The following CASZ1 variants were observed in gnomAD, a reference collection of about 807,000 sequenced individuals.
The protein encoded by CASZ1 is zinc finger protein castor homolog 1.
CASZ1 carries 28 observed loss-of-function variants against 135.2 expected under a neutral mutation model. That is an observed-to-expected ratio of 0.21 (90% CI 0.15 to 0.28). CASZ1 has a LOEUF of 0.28. Ranked by LOEUF, CASZ1 falls within the 10% of genes least tolerant of loss-of-function variation. The pLI is 1.00. For missense variants in CASZ1, 2,161 were observed against 2,453.3 expected, an observed-to-expected ratio of 0.88 and a Z score of 2.52; for synonymous variants, 1,068 against 1,073.4, an observed-to-expected ratio of 0.99 and a Z score of 0.10.
chr1:10,775,314 C>T (rs571433009), intron 1 of CASZ1, among the ~76,000 whole-genome samples: 7 of 152,290 alleles, frequency 4.6e-5, no homozygotes, highest in South Asian at 4.2e-4. Context: ...TTCCCTTCTC[C>T]GCCTACCTAT....
rs1640508543 is a variant in CASZ1, at chr1:10,767,981, T to G, written c.-233-7124A>C. Among the ~76,000 whole-genome samples the G allele has an allele frequency of 6.6e-6, 1 of 152,106 alleles. No homozygotes were observed. Among genetic ancestry groups the G allele is most frequent in the Non-Finnish European group, 1.5e-5 (1 of 68,002 alleles). ...AGACCCCAGACCTGGGACCCCAGAC[T>G]CCACCCTGGAATCTCACAAGTGTCT... On this transcript the variant is annotated intron_variant, in intron 1 of 20. Coordinates refer to ENST00000377022, the MANE Select transcript of CASZ1 (RefSeq NM_001079843.3). This position sits in a 1 kb window ranked among gnomAD's most constrained non-coding sequence, Gnocchi z 4.2.
intron 5 of CASZ1, among the ~76,000 whole-genome samples, chr1:10,662,612 A>G (rs1036958008): frequency 6.6e-6 from 1 of 151,596 alleles, no homozygotes; most frequent in African/African-American, 2.4e-5. Context: ...ACTCTCACAT[A>G]CATCCAGACA....
Position 10,755,876 on chromosome 1 carries a change from T to A in CASZ1, c.-77+4825A>T, listed in dbSNP as rs1304696938. On this transcript the variant is annotated intron_variant, in intron 2 of 20. Transcript: ENST00000377022. The surrounding 1 kb of genome is among the most constrained non-coding windows in gnomAD (Gnocchi z 4.3). ...ACCCCTCTGCACCCCCCACCCCAGC[T>A]GCAGGCCATGGAGCTGCCAGCCTCA... Among the ~76,000 whole-genome samples, 23 of 135,792 alleles carry A rather than the reference T, an allele frequency of 1.7e-4. No individual in the cohort carries two copies. 89.1% of individuals were successfully genotyped at this position (135,792 alleles called of 152,430 possible).
Position 10,755,684 on chromosome 1 carries a change from CG to C in CASZ1, c.-77+5016del, listed in dbSNP as rs1002351217. Among the ~76,000 whole-genome samples, 1 of 152,060 alleles carries C rather than the reference CG, an allele frequency of 6.6e-6. No individual in the cohort carries two copies. The highest frequency in any genetic ancestry group is 2.4e-5 in the African/African-American group (1 of 41,406). ...GAGGAAGGAGGCCCAGGCTGGGGTT[CG>C]GCACCACCAGGTGGAACACTTGCCC... On this transcript the variant is annotated intron_variant, in intron 2 of 20. Coordinates refer to ENST00000377022, the MANE Select transcript of CASZ1 (RefSeq NM_001079843.3). The surrounding 1 kb of genome is among the most constrained non-coding windows in gnomAD (Gnocchi z 4.3).
chr1:10,786,864 A>G (rs891216532), intron 1 of CASZ1, among the ~76,000 whole-genome samples: 18 of 152,002 alleles, frequency 1.2e-4, no homozygotes, highest in African/African-American at 3.6e-4. Context: ...CAAGTTCCCA[A>G]TGATAACAGA....
In CASZ1 at chr1:10,644,897, G is replaced by T. The variant is rs546369717; in HGVS notation, c.3868+20C>A. 2.5e-6 allele frequency: 4 copies of T among 1,602,700 alleles called. No homozygotes were observed. In the South Asian group the frequency reaches 4.5e-5, roughly 18 times the overall value. ...TGATGCCTGCTGCAAGTCCCTGCCC[G>T]CAGCCCCAGCCCTCGGTACCTAGCC... On this transcript the variant is annotated intron_variant, in intron 18 of 20. Transcript: ENST00000377022.
chr1:10,785,042 G>GCTTGCTTGCTTGCTTT (rs1553143526), intron 1 of CASZ1, among the ~76,000 whole-genome samples: 1 of 138,026 alleles, frequency 7.2e-6, no homozygotes, highest in African/African-American at 2.7e-5. Flanking sequence ...TTTCTTGCTT[G>GCTTGCTTGCTTGCTTT]CTTGCTTTCT....
At chr1:10,649,632 A>T (rs1557464614) in intron 13 of CASZ1, 195 bp from the exon 14 acceptor site, 1 of 610,228 alleles carries the variant, frequency 1.6e-6, no homozygotes, top group East Asian at 2.8e-5. Context: ...TGCTGCCCCG[A>T]CCCCAGGAGC....
chr1:10,771,526 G>A (rs1328022035), intron 1 of CASZ1, among the ~76,000 whole-genome samples: 1 of 98,470 alleles, frequency 1.0e-5, no homozygotes, highest in Non-Finnish European at 2.9e-5. Context: ...AAAGTGTAAG[G>A]GAAAAAAAAA....
At chr1:10,743,771 C>T (rs970827136) in intron 2 of CASZ1, among the ~76,000 whole-genome samples, 5 of 142,490 alleles carry the variant, frequency 3.5e-5, no homozygotes, top group East Asian at 2.3e-4. Context: ...GATCCCGTGA[C>T]GGGAGGGCAG....
In CASZ1 at chr1:10,668,546, C is replaced by G. The variant is rs769095909; in HGVS notation, c.17-2975G>C. Reference sequence around the variant, plus strand: ...CGGGAGAGGCGAGGGGAGGGGCTGCCGAGGTGGGCTGGGCCGGGGCCTGGG... The same window carrying G: ...CGGGAGAGGCGAGGGGAGGGGCTGCGGAGGTGGGCTGGGCCGGGGCCTGGG... On this transcript the variant is annotated intron_variant, in intron 4 of 20. Coordinates refer to ENST00000377022, the MANE Select transcript of CASZ1 (RefSeq NM_001079843.3). Among the ~76,000 whole-genome samples the G allele has an allele frequency of 2.0e-5, 3 of 152,160 alleles. No homozygotes were observed. The East Asian group carries it at 5.8e-4, about 29-fold the overall frequency.
chr1:10,659,170 C>T (rs1183801502), intron 6 of CASZ1, among the ~76,000 whole-genome samples: 1 of 152,204 alleles, frequency 6.6e-6, no homozygotes, highest in East Asian at 1.9e-4. Context: ...TGCTTCCTGC[C>T]TCCCCCAGGG....
chr1:10,706,409 AT>A lies in CASZ1; in HGVS notation c.-76-866del, dbSNP rs1639174317. Among the ~76,000 whole-genome samples the A allele has an allele frequency of 6.6e-6, 1 of 152,030 alleles. No homozygotes were observed. Among genetic ancestry groups the A allele is most frequent in the Non-Finnish European group, 1.5e-5 (1 of 67,984 alleles). Reference sequence around the variant, plus strand: ...CTGCCCCTGCAGGCCTCAGAACCCTATCCAGGCTTGGGGAGGGCTGTCTGTT... The same window carrying A: ...CTGCCCCTGCAGGCCTCAGAACCCTACCAGGCTTGGGGAGGGCTGTCTGTT... On this transcript the variant is annotated intron_variant, in intron 2 of 20. Transcript: ENST00000377022. The surrounding 1 kb of genome is among the most constrained non-coding windows in gnomAD (Gnocchi z 4.3).
intron 1 of CASZ1, among the ~76,000 whole-genome samples, chr1:10,768,912 G>A (rs1276514058): frequency 1.3e-5 from 2 of 152,140 alleles, no homozygotes; most frequent in African/African-American, 4.8e-5. Context: ...AGGCAGAGGC[G>A]GGCAGATCAC....
At position 10,744,323 on chromosome 1, in the gene CASZ1, G is replaced by A. The variant is rs777116; in HGVS notation, c.-77+16378C>T. Reference sequence around the variant, plus strand: ...GAGACTTCTTGGGGGTGGGGTGGGGGGCATTAGCAGAAGAGAGACACGGCA... The same window carrying A: ...GAGACTTCTTGGGGGTGGGGTGGGGAGCATTAGCAGAAGAGAGACACGGCA... On this transcript the variant is annotated intron_variant, in intron 2 of 20. Transcript: ENST00000377022. 8.9e-3 allele frequency among the ~76,000 whole-genome samples: 1,359 copies of A among 151,974 alleles called. 28 individuals are homozygous for A. The highest frequency in any genetic ancestry group is 0.031 in the African/African-American group (1,270 of 41,354).
chr1:10,770,068 C>T (rs1018318144), intron 1 of CASZ1, among the ~76,000 whole-genome samples: 2 of 151,986 alleles, frequency 1.3e-5, no homozygotes, highest in African/African-American at 4.8e-5. Flanking sequence ...CTTTTCTTTT[C>T]TCTCTCTTCT....
intron 4 of CASZ1, among the ~76,000 whole-genome samples, chr1:10,692,744 T>G (rs1242072633): frequency 6.6e-6 from 1 of 152,190 alleles, no homozygotes; most frequent in Non-Finnish European, 1.5e-5. Flanking sequence ...CCGGTCTCTC[T>G]GCCCACTGAC....
At chr1:10,738,008 G>A (rs1395845463) in intron 2 of CASZ1, among the ~76,000 whole-genome samples, 2 of 152,156 alleles carry the variant, frequency 1.3e-5, no homozygotes, top group Non-Finnish European at 2.9e-5. Context: ...TGTGCCTCAT[G>A]TTGTCCAAGT....
In CASZ1 at chr1:10,724,585, G is replaced by T. The variant is rs1481282206; in HGVS notation, c.-76-19041C>A. On this transcript the variant is annotated intron_variant, in intron 2 of 20. Coordinates refer to ENST00000377022, the MANE Select transcript of CASZ1 (RefSeq NM_001079843.3). This position sits in a 1 kb window ranked among gnomAD's most constrained non-coding sequence, Gnocchi z 4.1. ...CCCAGGAATCACCTAGCCCTCAGGG[G>T]TAGGGGCTCAGGGAGTGGGAGCAGA... Among the ~76,000 whole-genome samples the T allele has an allele frequency of 6.6e-6, 1 of 152,218 alleles. No individual in the cohort carries two copies. Among genetic ancestry groups the T allele is most frequent in the Non-Finnish European group, 1.5e-5 (1 of 68,024 alleles).
Sources: allele counts gnomAD v4.1 joint callset (sites outside exome capture counted in the v4.1 genomes callset), GRCh38; gene constraint gnomAD v4.1.1; non-coding constraint Gnocchi (gnomAD v3.1); transcripts MANE v1.5; gene names NCBI Gene and HGNC (gene_info 2026-07-23, HGNC 2026-07-21).